Variants in PATL2 observed in about 807,000 individuals in gnomAD.
The protein encoded by PATL2 is PAT1 homolog 2.
Under a neutral mutation model 77.0 loss-of-function variants are expected in PATL2, and 73 were observed. The observed-to-expected ratio is 0.95, with a 90% CI of 0.78 to 1.15. PATL2 has a LOEUF of 1.15. Ranked by LOEUF, PATL2 falls within the 50% of genes most tolerant of loss-of-function variation. The probability of loss-of-function intolerance (pLI) is 0.00; values close to 1 mark genes in which losing one functional copy is unlikely to be tolerated. For synonymous variants in PATL2, 265 were observed against 257.1 expected, an observed-to-expected ratio of 1.03 and a Z score of -0.29; for missense variants, 618 against 655.4, an observed-to-expected ratio of 0.94 and a Z score of 0.62.
chr15:44,676,627 A>G (rs2085969579), intron 3 of PATL2, 62 bp from the exon 4 acceptor site: 3 of 1,408,220 alleles, frequency 2.1e-6, no homozygotes, highest in Non-Finnish European at 2.9e-6. Flanking sequence ...ATGGCACCCT[A>G]AAACAGCCAT....
chr15:44,695,787 G>T (rs138486053), intron 3 of PATL2, among the ~76,000 whole-genome samples: 79 of 152,298 alleles, frequency 5.2e-4, no homozygotes, highest in African/African-American at 1.9e-3. Context: ...TGGATCTGTG[G>T]ACACATCTCT....
intron 9 of PATL2, among the ~76,000 whole-genome samples, chr15:44,670,726 T>C (rs1429315348): frequency 6.6e-6 from 1 of 152,204 alleles, no homozygotes; most frequent in East Asian, 1.9e-4. Context: ...TCTGTAACCT[T>C]CCTGCATTCC....
intron 9 of PATL2, among the ~76,000 whole-genome samples, chr15:44,670,491 C>T (rs1355779855): frequency 6.6e-6 from 1 of 151,994 alleles, no homozygotes; most frequent in Non-Finnish European, 1.5e-5. Context: ...TGTGCCCAGA[C>T]AAGCACGGCC....
At chr15:44,688,326 C>G (rs1464772465) in intron 3 of PATL2, among the ~76,000 whole-genome samples, 1 of 151,346 alleles carries the variant, frequency 6.6e-6, no homozygotes, top group African/African-American at 2.4e-5. Context: ...TTACTTTCTT[C>G]ACAGAATTAG....
In PATL2 at chr15:44,666,307, TAGA is replaced by T. The variant is rs974796977; in HGVS notation, c.1613+82_1613+84del. The T allele has an allele frequency of 1.6e-5, 23 of 1,476,320 alleles. No individual in the cohort carries two copies. The African/African-American group carries it at 1.8e-4, about 12-fold the overall frequency. The allele number at this position is 1,476,320 out of a possible 1,614,324, so 91.5% of individuals were successfully genotyped here. On this transcript the variant is annotated intron_variant, in intron 17 of 17. Coordinates refer to ENST00000682850, the MANE Select transcript of PATL2 (RefSeq NM_001387263.1). ...CACATGATCCTTCATGCTCATAATT[TAGA>T]AGAAGGAAGTAGTGAAGCAAGTAAC...
At chr15:44,692,435 C>A (rs1269568162) in intron 3 of PATL2, among the ~76,000 whole-genome samples, 1 of 152,188 alleles carries the variant, frequency 6.6e-6, no homozygotes, top group Non-Finnish European at 1.5e-5. Flanking sequence ...TCTGTTGGTA[C>A]CTGCATCACA....
chr15:44,674,000 T>C, intron 6 of PATL2, 150 bp downstream of exon 6: 2 of 694,728 alleles, frequency 2.9e-6, no homozygotes, highest in South Asian at 4.1e-5. Context: ...CCTCTGTCAT[T>C]TATCAAGCTC....
chr15:44,672,189 A>AC, intron 8 of PATL2, 33 bp from the exon 9 acceptor site: 2 of 1,551,526 alleles, frequency 1.3e-6, no homozygotes, highest in Non-Finnish European at 1.7e-6. Context: ...CTTTAGACTT[A>AC]CCCACCACTG....
At chr15:44,706,137 ATC>A (rs1333431724) in intron 3 of PATL2, among the ~76,000 whole-genome samples, 1 of 152,100 alleles carries the variant, frequency 6.6e-6, no homozygotes, top group African/African-American at 2.4e-5. Flanking sequence ...AAGGTCACAT[ATC>A]TCTGTTTCTC....
intron 3 of PATL2, among the ~76,000 whole-genome samples, chr15:44,691,478 C>A (rs1197326082): frequency 6.6e-6 from 1 of 151,836 alleles, no homozygotes; most frequent in African/African-American, 2.4e-5. Flanking sequence ...ACCAACATAG[C>A]AAAAACCCGT....
chr15:44,669,747 G>C, intron 11 of PATL2, 30 bp downstream of exon 11: 1 of 1,549,384 alleles, frequency 6.5e-7, no homozygotes, highest in Non-Finnish European at 8.7e-7. Context: ...AAAGGGGAGA[G>C]AAAAATGTCT....
intron 3 of PATL2, among the ~76,000 whole-genome samples, chr15:44,693,906 T>C (rs943689733): frequency 6.6e-6 from 1 of 152,086 alleles, no homozygotes; most frequent in Non-Finnish European, 1.5e-5. Flanking sequence ...TTTCTCCACG[T>C]TGGCCAGTCT....
chr15:44,669,620 C>G, intron 11 of PATL2, 57 bp from the exon 12 acceptor site: 1 of 1,533,588 alleles, frequency 6.5e-7, no homozygotes, highest in Non-Finnish European at 8.8e-7. Flanking sequence ...AGCCCTAGCC[C>G]AGGCCCCCAA....
chr15:44,688,272 T>C (rs573042108), intron 3 of PATL2, among the ~76,000 whole-genome samples: 18 of 145,556 alleles, frequency 1.2e-4, no homozygotes, highest in African/African-American at 1.8e-4. Context: ...ACTAGCTAAA[T>C]AATAATAATA....
At position 44,665,838 on chromosome 15, in the gene PATL2, A is replaced by T; in HGVS notation, c.*115T>A. 6.5e-7 allele frequency: 1 copy of T among 1,540,042 alleles called. No individual in the cohort carries two copies. The highest frequency in any genetic ancestry group is 8.7e-7 in the Non-Finnish European group (1 of 1,143,304). On this transcript the variant is annotated 3_prime_UTR_variant, in exon 18 of 18. Transcript: ENST00000682850. ...TATGAAAATGGGGAAGGGTTCTCCAATATATAAAGGCATAAGAAATGTCTT... is the reference window on the plus strand; with the variant it reads ...TATGAAAATGGGGAAGGGTTCTCCATTATATAAAGGCATAAGAAATGTCTT...
intron 3 of PATL2, among the ~76,000 whole-genome samples, chr15:44,705,958 G>A (rs1312060254): frequency 6.6e-6 from 1 of 151,736 alleles, no homozygotes; most frequent in Non-Finnish European, 1.5e-5. Context: ...ATGCCACCAC[G>A]CCCAGCTATT....
At chr15:44,702,386 T>C (rs1041883762) in intron 3 of PATL2, among the ~76,000 whole-genome samples, 2 of 149,916 alleles carry the variant, frequency 1.3e-5, no homozygotes, top group African/African-American at 4.9e-5. Context: ...CCTTTTTTTC[T>C]TAGCGAGTCT....
intron 6 of PATL2, 70 bp downstream of exon 6, chr15:44,674,080 G>A: frequency 1.4e-6 from 2 of 1,417,820 alleles, no homozygotes; most frequent in East Asian, 2.5e-5. Flanking sequence ...CCAGACCAGG[G>A]TTGGGGGTAG....
At chr15:44,700,226 A>T (rs1175248604) in intron 3 of PATL2, among the ~76,000 whole-genome samples, 2 of 152,134 alleles carry the variant, frequency 1.3e-5, no homozygotes, top group African/African-American at 4.8e-5. Flanking sequence ...TTGGTTAAGA[A>T]GGTATTTAAT....
Sources: allele counts gnomAD v4.1 joint callset (sites outside exome capture counted in the v4.1 genomes callset), GRCh38; gene constraint gnomAD v4.1.1; transcripts MANE v1.5; gene names NCBI Gene and HGNC (gene_info 2026-07-23, HGNC 2026-07-21).